The following RBM20 variants were observed in gnomAD, a reference collection of about 807,000 sequenced individuals.
RBM20 encodes the protein RNA binding motif protein 20.
A neutral mutation model predicts 110.1 loss-of-function variants in RBM20; 51 were observed. The ratio of observed to expected loss-of-function variants is 0.46; its 90% CI spans 0.37 to 0.59. The LOEUF is 0.59. Ranked by LOEUF, RBM20 falls within the 20% of genes least tolerant of loss-of-function variation. RBM20 has a pLI of 0.00. For synonymous variants in RBM20, 589 were observed against 618.2 expected (o/e 0.95, Z 0.70); for missense variants, 1,512 against 1,574.9 (o/e 0.96, Z 0.68).
chr10:110,671,974 C>T (rs1862266135), intron 1 of RBM20, among the ~76,000 whole-genome samples: 1 of 152,130 alleles, frequency 6.6e-6, no homozygotes, highest in Non-Finnish European at 1.5e-5. Flanking sequence ...GGTGCTGAGG[C>T]TCATAATCAG....
chr10:110,822,593 G>C (rs147650618), intron 11 of RBM20: 68 of 411,820 alleles, frequency 1.7e-4, no homozygotes, highest in East Asian at 1.1e-3. Context: ...AGGGGGTTTG[G>C]GGGGAGGGAG....
intron 1 of RBM20, among the ~76,000 whole-genome samples, chr10:110,703,343 A>G (rs1590626654): frequency 6.6e-6 from 1 of 151,364 alleles, no homozygotes; most frequent in Non-Finnish European, 1.5e-5. Flanking sequence ...GCGCCATTGC[A>G]CTCTAGCCTG....
rs1479765434 is a variant in RBM20 at position 110,821,804 on chromosome 10, T to C, written c.3185T>C (p.Phe1062Ser). The change falls in exon 11 of 14, where the codon TTT (phenylalanine) becomes TCT (serine). Residue 1062 changes from phenylalanine to serine, a missense_variant. Phe to Ser is a radical substitution (Grantham distance 155, BLOSUM62 -2). Transcript: ENST00000369519. ...GAGAGGGCCCGGCAGCCAAGCCCAT[T>C]TGTGGATGATTGCAAGACCAGGGGG... ...AEERARQPSP[F>S]VDDCKTRGTP... is the part of the protein sequence containing the mutation. 12 of 1,551,492 alleles carry C rather than the reference T, an allele frequency of 7.7e-6. No homozygotes were observed. The highest frequency in any genetic ancestry group is 1.7e-4 in the Middle Eastern group (1 of 6,014).
intron 12 of RBM20, among the ~76,000 whole-genome samples, chr10:110,824,854 G>A (rs1464580490): frequency 6.6e-6 from 1 of 152,176 alleles, no homozygotes; most frequent in Non-Finnish European, 1.5e-5. Flanking sequence ...TCACAAGGAA[G>A]CATAAAAAGC....
intron 1 of RBM20, among the ~76,000 whole-genome samples, chr10:110,773,524 A>T (rs909628827): frequency 1.3e-5 from 2 of 152,244 alleles, no homozygotes; most frequent in African/African-American, 4.8e-5. Context: ...GGATATTAAA[A>T]ATAAATTCTC....
chr10:110,822,983 T>C (rs1022121795), intron 11 of RBM20, among the ~76,000 whole-genome samples: 1 of 152,194 alleles, frequency 6.6e-6, no homozygotes, highest in African/African-American at 2.4e-5. Flanking sequence ...TTTTGCGGTA[T>C]AGGTCTCAAC....
chr10:110,821,738 C>A lies in RBM20; in HGVS notation c.3119C>A (p.Ala1040Asp). ...GTGGAGAGCTCAGATGTTCATCCAGCCCCTACAGTCCAGCAAATGTCTTCC... is the reference window on the plus strand; with the variant it reads ...GTGGAGAGCTCAGATGTTCATCCAGACCCTACAGTCCAGCAAATGTCTTCC... ...KGVESSDVHP[A>D]PTVQQMSSPK... Residue 1040 changes from alanine (A) to aspartate (D), a missense_variant, in exon 11 of 14, where the codon GCC (alanine) becomes GAC (aspartate). Transcript: ENST00000369519. 1 of 1,551,786 alleles carries A rather than the reference C, an allele frequency of 6.4e-7. No homozygotes were observed. Among genetic ancestry groups the A allele is most frequent in the Non-Finnish European group, 8.7e-7 (1 of 1,147,014 alleles).
chr10:110,808,114 G>A (rs1297382224), intron 7 of RBM20, among the ~76,000 whole-genome samples: 1 of 152,226 alleles, frequency 6.6e-6, no homozygotes, highest in Non-Finnish European at 1.5e-5. Flanking sequence ...TTCATTGTGT[G>A]GCCCAAGGTG....
At chr10:110,732,637 C>T (rs899201223) in intron 1 of RBM20, among the ~76,000 whole-genome samples, 8 of 152,146 alleles carry the variant, frequency 5.3e-5, no homozygotes, top group East Asian at 1.9e-4. Flanking sequence ...TGTGAGTCAC[C>T]GCCACATAAA....
chr10:110,731,325 A>C (rs1330986423), intron 1 of RBM20, among the ~76,000 whole-genome samples: 1 of 152,220 alleles, frequency 6.6e-6, no homozygotes, highest in Non-Finnish European at 1.5e-5. Flanking sequence ...CCTTGAGAGA[A>C]TGAAACAAGG....
At chr10:110,666,991 T>A (rs1862188073) in intron 1 of RBM20, among the ~76,000 whole-genome samples, 1 of 152,182 alleles carries the variant, frequency 6.6e-6, no homozygotes, top group African/African-American at 2.4e-5. Flanking sequence ...ATTGGGCCCT[T>A]TCTGTTGCCA....
rs555390005 is a variant in RBM20, at chr10:110,808,129, G to A, written c.1801-2254G>A. 2.6e-5 allele frequency among the ~76,000 whole-genome samples: 4 copies of A among 152,362 alleles called. No individual in the cohort carries two copies. In the East Asian group the frequency reaches 7.7e-4, roughly 29 times the overall value. ...TTCATTGTGTGGCCCAAGGTGGGCA[G>A]GCAGGAAGAAGACCTGCTTGGTGGG... On this transcript the variant is annotated intron_variant, in intron 7 of 13. Transcript: ENST00000369519.
intron 1 of RBM20, among the ~76,000 whole-genome samples, chr10:110,716,680 G>A (rs948118285): frequency 4.6e-5 from 7 of 152,070 alleles, no homozygotes; most frequent in Non-Finnish European, 8.8e-5. Flanking sequence ...TTGGGAGACC[G>A]AGGTGGGCAG....
chr10:110,749,809 T>C (rs1469180781), intron 1 of RBM20, among the ~76,000 whole-genome samples: 1 of 151,956 alleles, frequency 6.6e-6, no homozygotes, highest in Admixed American at 6.6e-5. Context: ...TAAAAAAAGA[T>C]ACTAGATCTG....
At position 110,746,777 on chromosome 10, in the gene RBM20, G is replaced by A. The variant is rs1053665407; in HGVS notation, c.192-34024G>A. On this transcript the variant is annotated intron_variant, in intron 1 of 13. Coordinates refer to ENST00000369519, the MANE Select transcript of RBM20 (RefSeq NM_001134363.3). ...AATTTCTTCACCTCCCCAAATGGGG[G>A]ACTGGAGTAAGATGCTGCAAATATC... Among the ~76,000 whole-genome samples the A allele has an allele frequency of 2.0e-5, 3 of 152,214 alleles. No homozygotes were observed. In the East Asian group the frequency reaches 5.8e-4, roughly 29 times the overall value.
In RBM20 at chr10:110,821,894, C is replaced by T. The variant is rs1402565257; in HGVS notation, c.3275C>T (p.Thr1092Ile). The change falls in exon 11 of 14, where the codon ACT becomes ATT. Residue 1092 changes from threonine (T) to isoleucine (I), a missense_variant. Physicochemically the swap from Thr to Ile is moderately conservative, Grantham distance 89 (BLOSUM62 -1). Coordinates refer to ENST00000369519, the MANE Select transcript of RBM20 (RefSeq NM_001134363.3). ...GAGAAAGCCAGCCCCCCCATCGAAACTGACCTCCAAAACCAAGCTTGCCAA... is the reference window on the plus strand; with the variant it reads ...GAGAAAGCCAGCCCCCCCATCGAAATTGACCTCCAAAACCAAGCTTGCCAA... ...LEEKASPPIE[T>I]DLQNQACQEV... 1 of 1,551,756 alleles carries T rather than the reference C, an allele frequency of 6.4e-7. No individual in the cohort carries two copies. The highest frequency in any genetic ancestry group is 2.0e-5 in the Admixed American group (1 of 51,014).
intron 1 of RBM20, among the ~76,000 whole-genome samples, chr10:110,779,066 A>G (rs545390271): frequency 6.6e-6 from 1 of 152,352 alleles, no homozygotes; most frequent in African/African-American, 2.4e-5. Context: ...GGTCTTCCTC[A>G]GGTTTCCTAG....
Position 110,757,779 on chromosome 10 carries a change from G to A in RBM20, c.192-23022G>A, listed in dbSNP as rs142759261. Among the ~76,000 whole-genome samples the A allele has an allele frequency of 5.9e-3, 891 of 152,296 alleles. 3 individuals are homozygous for A. Among genetic ancestry groups the A allele is most frequent in the Middle Eastern group, 0.014 (4 of 294 alleles). On this transcript the variant is annotated intron_variant, in intron 1 of 13. Transcript: ENST00000369519. ...TGGACTTTGTCTACTCTGCTACTCC[G>A]TCAGCACTCAGCCTCCCAGATAGAT... is the stretch of plus-strand genomic sequence containing the variant.
intron 1 of RBM20, among the ~76,000 whole-genome samples, chr10:110,658,730 A>G (rs1862060700): frequency 1.3e-5 from 2 of 151,934 alleles, no homozygotes; most frequent in Admixed American, 6.6e-5. Flanking sequence ...TAAGGTTCAG[A>G]CTGCATGGAA....
Sources: gnomAD v4.1 joint callset for allele counts (sites outside exome capture counted in the v4.1 genomes callset) on GRCh38, gnomAD v4.1.1 for gene constraint, MANE v1.5 for transcripts, NCBI Gene and HGNC (gene_info 2026-07-23, HGNC 2026-07-21) for gene names.